The following CDH13 variants were observed in gnomAD, a reference collection of about 807,000 sequenced individuals.
CDH13 encodes cadherin-13.
CDH13 carries 24 observed loss-of-function variants against 63.8 expected under a neutral mutation model. The ratio of observed to expected loss-of-function variants is 0.38; its 90% CI spans 0.27 to 0.53. The LOEUF (loss-of-function observed/expected upper bound fraction) is 0.53, where lower values mean the gene tolerates loss of function less well. CDH13 is among the 20% of genes least tolerant of loss of function. The pLI, the probability that CDH13 is intolerant of heterozygous loss-of-function variation, is 0.85. For synonymous variants in CDH13, 503 were observed against 355.3 expected, an observed-to-expected ratio of 1.42 and a Z score of -4.67; for missense variants, 1,049 against 903.1, an observed-to-expected ratio of 1.16 and a Z score of -2.07.
intron 1 of CDH13, among the ~76,000 whole-genome samples, chr16:82,669,991 C>T (rs149159025): frequency 9.8e-5 from 15 of 152,304 alleles, no homozygotes; most frequent in East Asian, 1.9e-4. Flanking sequence ...AACCATTATG[C>T]AGTTTTTATT....
intron 1 of CDH13, among the ~76,000 whole-genome samples, chr16:82,793,898 C>T (rs1330348070): frequency 4.6e-5 from 7 of 152,000 alleles, no homozygotes; most frequent in Admixed American, 3.9e-4. Context: ...CAGGCTGGGG[C>T]AGTAGGAGTG....
chr16:83,405,314 C>G (rs1381051287), intron 6 of CDH13, among the ~76,000 whole-genome samples: 1 of 152,132 alleles, frequency 6.6e-6, no homozygotes, highest in Non-Finnish European at 1.5e-5. Context: ...TGAATGTTAG[C>G]TTAGATTGCA....
chr16:83,037,282 T>C (rs570829791), intron 3 of CDH13, among the ~76,000 whole-genome samples: 24 of 152,310 alleles, frequency 1.6e-4, no homozygotes, highest in African/African-American at 5.3e-4. Context: ...CCTGCAGATA[T>C]GGGAACCTTG....
At chr16:83,373,659 A>G (rs2091412311) in intron 6 of CDH13, among the ~76,000 whole-genome samples, 1 of 152,192 alleles carries the variant, frequency 6.6e-6, no homozygotes, top group African/African-American at 2.4e-5. Context: ...ATATTTGTGG[A>G]TTAAAGATAT....
intron 3 of CDH13, among the ~76,000 whole-genome samples, chr16:83,089,588 G>A (rs1157671609): frequency 6.6e-6 from 1 of 152,224 alleles, no homozygotes; most frequent in African/African-American, 2.4e-5. Flanking sequence ...GCCTGCTCTG[G>A]AGGTGGGGAA....
At chr16:83,427,895 G>C (rs2071961804) in intron 6 of CDH13, among the ~76,000 whole-genome samples, 1 of 152,160 alleles carries the variant, frequency 6.6e-6, no homozygotes, top group South Asian at 2.1e-4. Flanking sequence ...ATGTTCCTTG[G>C]ACCCAGGCAA....
intron 5 of CDH13, among the ~76,000 whole-genome samples, chr16:83,237,110 T>C (rs1048782243): frequency 2.6e-5 from 4 of 152,166 alleles, no homozygotes; most frequent in African/African-American, 4.8e-5. Flanking sequence ...CAGGGTGGCA[T>C]GGGCAGCTTT....
chr16:83,025,856 C>T (rs555516224), intron 2 of CDH13, among the ~76,000 whole-genome samples: 1 of 152,164 alleles, frequency 6.6e-6, no homozygotes, highest in South Asian at 2.1e-4. Flanking sequence ...GTTCCTGGCT[C>T]TGTCTGCATT....
chr16:82,799,209 A>C lies in CDH13; in HGVS notation c.46-59153A>C, dbSNP rs530862382. 5.8e-4 allele frequency among the ~76,000 whole-genome samples: 89 copies of C among 152,348 alleles called. No individual in the cohort carries two copies. The Middle Eastern group carries it at 0.01, about 17-fold the overall frequency. On this transcript the variant is annotated intron_variant, in intron 1 of 13. Coordinates refer to ENST00000567109, the MANE Select transcript of CDH13 (RefSeq NM_001257.5). ...AAGGGGGTGACGTTAGATAGTGATC[A>C]AAGAAAAGTCTAATACATGTTATTT... is the stretch of plus-strand genomic sequence containing the variant.
At chr16:83,426,079 G>T (rs1404466398) in intron 6 of CDH13, among the ~76,000 whole-genome samples, 1 of 152,084 alleles carries the variant, frequency 6.6e-6, no homozygotes, top group African/African-American at 2.4e-5. Context: ...TCAAAGCTAG[G>T]AGGAGAAATC....
chr16:82,731,249 A>G (rs1412359590), intron 1 of CDH13, among the ~76,000 whole-genome samples: 1 of 152,200 alleles, frequency 6.6e-6, no homozygotes, highest in Non-Finnish European at 1.5e-5. Context: ...CTCTGTTGCA[A>G]TTACTCAACC....
chr16:83,703,808 G>A (rs1404162982), intron 10 of CDH13, among the ~76,000 whole-genome samples: 1 of 152,102 alleles, frequency 6.6e-6, no homozygotes, highest in Non-Finnish European at 1.5e-5. Context: ...GTTCTCTCAG[G>A]ACTCAAATGC....
intron 6 of CDH13, among the ~76,000 whole-genome samples, chr16:83,412,433 G>T (rs773147160): frequency 6.6e-6 from 1 of 152,182 alleles, no homozygotes; most frequent in African/African-American, 2.4e-5. Context: ...ATGCACTCCA[G>T]CCTGGGTGAC....
rs1332426069 is a variant in CDH13 at position 83,779,405 on chromosome 16, TCAAAAAAAAAA to T, written c.1682-562_1682-552del. On this transcript the variant is annotated intron_variant, in intron 11 of 13. Transcript: ENST00000567109. ...CCGGGCGACAGCGCGAGACTCCATC[TCAAAAAAAAAA>T]AAAAAAAAAAAAAAAAAAAAAAGTC... is the stretch of plus-strand genomic sequence containing the variant. Among the ~76,000 whole-genome samples, 128 of 67,810 alleles carry T rather than the reference TCAAAAAAAAAA, an allele frequency of 1.9e-3. 7 individuals are homozygous for T. Among genetic ancestry groups the T allele is most frequent in the Non-Finnish European group, 1.3e-3 (50 of 39,164 alleles). 44.5% of individuals were successfully genotyped at this position (67,810 alleles called of 152,430 possible). A position where few individuals can be genotyped will look rare whatever the true frequency, so the allele number is the denominator to read the frequency against.
At chr16:82,984,425 C>T (rs1910679861) in intron 2 of CDH13, among the ~76,000 whole-genome samples, 1 of 152,232 alleles carries the variant, frequency 6.6e-6, no homozygotes, top group Admixed American at 6.5e-5. Context: ...TGCTACTTAT[C>T]ATCTGAGTGA....
intron 1 of CDH13, among the ~76,000 whole-genome samples, chr16:82,633,464 C>G (rs1165161480): frequency 1.3e-5 from 2 of 152,252 alleles, no homozygotes; most frequent in Non-Finnish European, 2.9e-5. Flanking sequence ...ACTGCAACCT[C>G]CACCTCCAGG....
chr16:82,994,174 A>G (rs1911955062), intron 2 of CDH13, among the ~76,000 whole-genome samples: 1 of 152,138 alleles, frequency 6.6e-6, no homozygotes, highest in African/African-American at 2.4e-5. Context: ...TGATGCATGA[A>G]GACGACAGCA....
chr16:82,693,669 C>G (rs1412214750), intron 1 of CDH13, among the ~76,000 whole-genome samples: 1 of 152,230 alleles, frequency 6.6e-6, no homozygotes, highest in African/African-American at 2.4e-5. Context: ...TTAATGAGCA[C>G]TGCTGTGCAC....
intron 6 of CDH13, among the ~76,000 whole-genome samples, chr16:83,385,694 G>A (rs1397587467): frequency 6.6e-6 from 1 of 152,118 alleles, no homozygotes; most frequent in Non-Finnish European, 1.5e-5. Flanking sequence ...TCAGTCCAGT[G>A]ACCAATACTA....
Sources: gnomAD v4.1 joint callset for allele counts (sites outside exome capture counted in the v4.1 genomes callset) on GRCh38, gnomAD v4.1.1 for gene constraint, MANE v1.5 for transcripts, NCBI Gene and HGNC (gene_info 2026-07-23, HGNC 2026-07-21) for gene names.